RGSL1: variants seen among roughly 807,000 people sequenced by gnomAD.
RGSL1 encodes regulator of G protein signaling like 1.
Under a neutral mutation model 124.7 loss-of-function variants are expected in RGSL1, and 97 were observed. That is an observed-to-expected ratio of 0.78 (90% CI 0.66 to 0.92). The LOEUF (loss-of-function observed/expected upper bound fraction) is 0.92. Ranked by LOEUF, RGSL1 falls within the 40% of genes least tolerant of loss-of-function variation. RGSL1 has a pLI of 0.00. For missense variants in RGSL1, 1,233 were observed against 1,288.4 expected, an observed-to-expected ratio of 0.96 and a Z score of 0.66; for synonymous variants, 424 against 438.1, an observed-to-expected ratio of 0.97 and a Z score of 0.40.
rs1366499936 is a variant in RGSL1, at chr1:182,501,476, G to A, written c.1825+8347G>A. Among the ~76,000 whole-genome samples, 8 of 151,232 alleles carry A rather than the reference G, an allele frequency of 5.3e-5. 1 individual carries two copies. The highest frequency in any genetic ancestry group is 1.5e-4 in the African/African-American group (6 of 41,224). Reference sequence around the variant, plus strand: ...TGGGATTACAGGTGTGTACCATTACGCCTGGCTAATTTTTGAATTTTTATT... The same window carrying A: ...TGGGATTACAGGTGTGTACCATTACACCTGGCTAATTTTTGAATTTTTATT... On this transcript the variant is annotated intron_variant, in intron 9 of 21. Transcript: ENST00000294854.
At chr1:182,547,422 G>C (rs1245870651) in intron 15 of RGSL1, among the ~76,000 whole-genome samples, 1 of 152,126 alleles carries the variant, frequency 6.6e-6, no homozygotes, top group African/African-American at 2.4e-5. Context: ...ATACTAGTCA[G>C]AGTGAATAGC....
chr1:182,477,878 G>A (rs540455282), intron 6 of RGSL1, among the ~76,000 whole-genome samples: 21 of 152,230 alleles, frequency 1.4e-4, no homozygotes, highest in Middle Eastern at 3.4e-3. Flanking sequence ...TGACTCCTCC[G>A]TCAAGCGTAC....
rs903943907 is a variant in RGSL1 at position 182,496,155 on chromosome 1, C to A, written c.1825+3026C>A. ...ACAGAAGGTGAAGGGGGAGCCAGAA[C>A]TTCTCGTGGTTGGAGCCAAAGGAAG... On this transcript the variant is annotated intron_variant, in intron 9 of 21. Coordinates refer to ENST00000294854, the MANE Select transcript of RGSL1 (RefSeq NM_001137669.2). Among the ~76,000 whole-genome samples the A allele has an allele frequency of 5.3e-5, 8 of 152,192 alleles. 1 individual carries two copies. The highest frequency in any genetic ancestry group is 1.9e-4 in the East Asian group (1 of 5,170).
At chr1:182,485,714 A>G (rs562916572) in intron 6 of RGSL1, among the ~76,000 whole-genome samples, 2 of 152,262 alleles carry the variant, frequency 1.3e-5, no homozygotes, top group South Asian at 4.1e-4. Context: ...TGCTCAGTCT[A>G]TTGCAAGGTT....
intron 6 of RGSL1, among the ~76,000 whole-genome samples, chr1:182,483,402 G>GT (rs1654857951): frequency 6.6e-6 from 1 of 151,872 alleles, no homozygotes; most frequent in Non-Finnish European, 1.5e-5. Flanking sequence ...ATTTCTACAG[G>GT]TTTTTGTATG....
In RGSL1 at chr1:182,530,161, A is replaced by G. The variant is rs74128942; in HGVS notation, c.2126-83A>G. ...AATGGGGGCTGTGAGACTCTAAGAT[A>G]AAAAAAAAAAACAAAAAACCACCAG... On this transcript the variant is annotated intron_variant, in intron 11 of 21. Transcript: ENST00000294854. 2.3e-4 allele frequency: 115 copies of G among 498,994 alleles called. No homozygotes were observed. In the African/African-American group the frequency reaches 2.4e-3, roughly 10 times the overall value. The allele number at this position is 498,994 out of a possible 1,614,324, so 30.9% of individuals were successfully genotyped here.
At chr1:182,559,980 C>T (rs896781424) in intron 21 of RGSL1, among the ~76,000 whole-genome samples, 3 of 152,346 alleles carry the variant, frequency 2.0e-5, no homozygotes, top group African/African-American at 7.2e-5. Context: ...AGACCAAGAA[C>T]TATTTTTCAC....
At chr1:182,492,835 T>C in intron 8 of RGSL1, 187 bp from the exon 9 acceptor site, 1 of 561,730 alleles carries the variant, frequency 1.8e-6, no homozygotes, top group Non-Finnish European at 3.2e-6. Flanking sequence ...TTCACCATGT[T>C]AGTCAGGATG....
intron 13 of RGSL1, 95 bp downstream of exon 13, chr1:182,531,005 C>A: frequency 7.3e-7 from 1 of 1,378,208 alleles, no homozygotes. Flanking sequence ...AAGGAAGAAT[C>A]TGAGACTCAG....
intron 7 of RGSL1, 84 bp from the exon 8 acceptor site, chr1:182,488,896 T>C: frequency 9.5e-7 from 1 of 1,056,124 alleles, no homozygotes; most frequent in Non-Finnish European, 1.4e-6. Flanking sequence ...CAGGGAGGCA[T>C]GGAGCACTGA....
chr1:182,499,407 A>G (rs1656182737), intron 9 of RGSL1, among the ~76,000 whole-genome samples: 1 of 152,112 alleles, frequency 6.6e-6, no homozygotes, highest in South Asian at 2.1e-4. Flanking sequence ...TGTTTAATTG[A>G]ACCTTTACCA....
intron 15 of RGSL1, among the ~76,000 whole-genome samples, chr1:182,544,327 T>C (rs900074031): frequency 1.3e-5 from 2 of 152,044 alleles, no homozygotes; most frequent in African/African-American, 4.8e-5. Flanking sequence ...TTCTGCTTGG[T>C]ATTGATTTCT....
intron 3 of RGSL1, among the ~76,000 whole-genome samples, chr1:182,459,002 G>A (rs1558227045): frequency 6.6e-6 from 1 of 152,124 alleles, no homozygotes; most frequent in Admixed American, 6.5e-5. Context: ...ACCGTGATAG[G>A]TTAGACACTT....
intron 4 of RGSL1, chr1:182,471,197 T>G (rs1653806100): frequency 2.2e-6 from 1 of 447,324 alleles, no homozygotes; most frequent in Non-Finnish European, 4.5e-6. Context: ...ATTAAACAAA[T>G]GGGGGTCTGG....
intron 2 of RGSL1, 49 bp from the exon 3 acceptor site, chr1:182,458,270 A>G (rs1400311949): frequency 5.0e-6 from 7 of 1,400,564 alleles, no homozygotes; most frequent in Admixed American, 2.0e-5. Flanking sequence ...TGTCATATAC[A>G]TGAAGAGAAG....
chr1:182,512,786 G>T (rs529428127), intron 9 of RGSL1, among the ~76,000 whole-genome samples: 143 of 152,284 alleles, frequency 9.4e-4, no homozygotes, highest in African/African-American at 3.4e-3. Context: ...GAATGGATGC[G>T]GAGCTGAAAA....
At chr1:182,522,485 G>A (rs952190167) in intron 10 of RGSL1, among the ~76,000 whole-genome samples, 31 of 152,116 alleles carry the variant, frequency 2.0e-4, no homozygotes, top group Middle Eastern at 3.4e-3. Flanking sequence ...TTGCCTGTTT[G>A]TGTTTTCTGG....
chr1:182,526,153 A>C (rs1191725765), intron 10 of RGSL1, among the ~76,000 whole-genome samples: 1 of 152,232 alleles, frequency 6.6e-6, no homozygotes, highest in Non-Finnish European at 1.5e-5. Context: ...ATTCTATGAA[A>C]TATTTAAAGG....
intron 6 of RGSL1, among the ~76,000 whole-genome samples, chr1:182,483,863 A>T (rs1654894480): frequency 6.6e-6 from 1 of 152,088 alleles, no homozygotes; most frequent in Non-Finnish European, 1.5e-5. Flanking sequence ...TTGTAACTGT[A>T]ATTCTACCCT....
Sources: gnomAD v4.1 joint callset for allele counts (sites outside exome capture counted in the v4.1 genomes callset) on GRCh38, gnomAD v4.1.1 for gene constraint, MANE v1.5 for transcripts, NCBI Gene and HGNC (gene_info 2026-07-23, HGNC 2026-07-21) for gene names.